The following GLYATL2 variants were observed in gnomAD, a reference collection of about 807,000 sequenced individuals.
GLYATL2 encodes the protein glycine-N-acyltransferase like 2, also known as glycine N-acyltransferase-like protein 2.
Under a neutral mutation model 21.4 loss-of-function variants are expected in GLYATL2, and 25 were observed. The observed-to-expected ratio is 1.17, with a 90% CI of 0.85 to 1.63. The LOEUF is 1.63. GLYATL2 is among the 40% of genes most tolerant of loss of function. GLYATL2 has a pLI of 0.00. For synonymous variants in GLYATL2, 114 were observed against 118.2 expected (o/e 0.96, Z 0.23); for missense variants, 361 against 343.3 (o/e 1.05, Z -0.41).
intron 1 of GLYATL2, among the ~76,000 whole-genome samples, chr11:58,851,331 A>G (rs1376802302): frequency 1.3e-5 from 2 of 152,158 alleles, no homozygotes; most frequent in Non-Finnish European, 2.9e-5. Context: ...CCTTTTTAGC[A>G]TCCATTGAGA....
chr11:58,896,960 T>G (rs1854646288), intron 1 of GLYATL2, among the ~76,000 whole-genome samples: 1 of 152,194 alleles, frequency 6.6e-6, no homozygotes, highest in Admixed American at 6.5e-5. Flanking sequence ...AGTTCCCTCA[T>G]ATTTGCCTCA....
intron 1 of GLYATL2, among the ~76,000 whole-genome samples, chr11:58,878,914 C>A (rs943277964): frequency 6.6e-6 from 1 of 152,150 alleles, no homozygotes; most frequent in African/African-American, 2.4e-5. Context: ...TCAGTAAAGT[C>A]CCTTTTGGCT....
rs566486394 is a variant in GLYATL2, at chr11:58,887,416, C to G, written n.60+16740G>C. On this transcript the variant is annotated intron_variant and non_coding_transcript_variant, in intron 1 of 4. Transcript: ENST00000533636. ...GAGAATTTATATAGAAAAAAAGTAA[C>G]TTTTTCTTAATTGGTTTTTAATCTC... is the stretch of plus-strand genomic sequence containing the variant. Among the ~76,000 whole-genome samples the G allele has an allele frequency of 2.6e-5, 4 of 152,178 alleles. No homozygotes were observed. In the East Asian group the frequency reaches 5.8e-4, roughly 22 times the overall value.
At chr11:58,865,179 G>A (rs1321403042) in intron 1 of GLYATL2, among the ~76,000 whole-genome samples, 1 of 148,162 alleles carries the variant, frequency 6.7e-6, no homozygotes, top group African/African-American at 2.4e-5. Context: ...CGCAATAGAG[G>A]AAAACTACTG....
chr11:58,885,019 C>G (rs1375266368), intron 1 of GLYATL2: 1 of 154,968 alleles, frequency 6.5e-6, no homozygotes, highest in Non-Finnish European at 1.5e-5. Context: ...TCCTGAGTCC[C>G]TGAAGGTGAG....
intron 1 of GLYATL2, among the ~76,000 whole-genome samples, chr11:58,888,614 A>T (rs1474971050): frequency 6.6e-6 from 1 of 151,858 alleles, no homozygotes; most frequent in African/African-American, 2.4e-5. Context: ...ACATGTTTAT[A>T]TATTTTTGTA....
intron 1 of GLYATL2, among the ~76,000 whole-genome samples, chr11:58,899,288 A>T (rs574805827): frequency 6.6e-6 from 1 of 152,258 alleles, no homozygotes; most frequent in African/African-American, 2.4e-5. Flanking sequence ...CAGGATGTAC[A>T]GGGCAAAGCT....
rs573301113 is a variant in GLYATL2 at position 58,875,935 on chromosome 11, C to T, written n.60+28221G>A. On this transcript the variant is annotated intron_variant and non_coding_transcript_variant, in intron 1 of 4. Coordinates refer to the GLYATL2 transcript ENST00000533636. ...GTCACTTTCAGGTACACCAGTTAGA[C>T]GTAGGTTTGGTCTTTTCACATAGTC... 1.4e-4 allele frequency among the ~76,000 whole-genome samples: 21 copies of T among 152,296 alleles called. 1 individual carries two copies. The highest frequency in any genetic ancestry group is 4.1e-4 in the South Asian group (2 of 4,828).
intron 1 of GLYATL2, among the ~76,000 whole-genome samples, chr11:58,874,862 T>C (rs1287312302): frequency 1.3e-5 from 2 of 152,184 alleles, no homozygotes; most frequent in African/African-American, 2.4e-5. Context: ...TTCTGTCTCG[T>C]TGATCTGTCT....
chr11:58,857,613 A>G (rs1853852930), intron 1 of GLYATL2, among the ~76,000 whole-genome samples: 1 of 152,168 alleles, frequency 6.6e-6, no homozygotes, highest in Non-Finnish European at 1.5e-5. Context: ...CCACTACCCC[A>G]GGTTGTGTTG....
intron 1 of GLYATL2, among the ~76,000 whole-genome samples, chr11:58,898,972 C>T (rs913178468): frequency 2.1e-4 from 32 of 152,172 alleles, no homozygotes; most frequent in African/African-American, 7.7e-4. Flanking sequence ...CTTATAAATA[C>T]GCAAATATTT....
chr11:58,898,614 C>T (rs1176249496), intron 1 of GLYATL2, among the ~76,000 whole-genome samples: 3 of 151,894 alleles, frequency 2.0e-5, no homozygotes, highest in East Asian at 3.9e-4. Context: ...GCGGGCAGAT[C>T]ACGAAGGTCA....
chr11:58,898,544 C>T (rs1230108246), intron 1 of GLYATL2, among the ~76,000 whole-genome samples: 1 of 149,022 alleles, frequency 6.7e-6, no homozygotes, highest in African/African-American at 2.5e-5. Flanking sequence ...AGTTAAAATT[C>T]TTTCTCTAGG....
chr11:58,909,726 G>A, the GLYATL2 span, among the ~76,000 whole-genome samples: 1 of 152,162 alleles, frequency 6.6e-6, no homozygotes. Flanking sequence ...GACTGGTAAG[G>A]TAGTGTGGTG....
At chr11:58,876,834 A>C (rs1486195224) in intron 1 of GLYATL2, among the ~76,000 whole-genome samples, 3 of 152,240 alleles carry the variant, frequency 2.0e-5, no homozygotes, top group African/African-American at 7.2e-5. Flanking sequence ...AAGGACATTT[A>C]AGTCTGCAGA....
Position 58,890,766 on chromosome 11 carries a change from C to T in GLYATL2, n.60+13390G>A, listed in dbSNP as rs183485949. 1.1e-3 allele frequency among the ~76,000 whole-genome samples: 174 copies of T among 151,888 alleles called. 3 individuals carry two copies. The highest frequency in any genetic ancestry group is 3.7e-3 in the African/African-American group (155 of 41,504). On this transcript the variant is annotated intron_variant and non_coding_transcript_variant, in intron 1 of 4. Coordinates refer to the GLYATL2 transcript ENST00000533636. The stretch of plus-strand genomic sequence containing the variant: ...TTTCTCTGTTTCCGTTCTCATCTCT[C>T]ATACTCTGTGCTTATTTTTTTATTT...
intron 1 of GLYATL2, among the ~76,000 whole-genome samples, chr11:58,862,696 T>C (rs1313504950): frequency 2.0e-5 from 3 of 152,236 alleles, no homozygotes; most frequent in Non-Finnish European, 2.9e-5. Context: ...TCATGTATTA[T>C]TTCTCTGATT....
chr11:58,865,798 A>C (rs957118048), intron 1 of GLYATL2, among the ~76,000 whole-genome samples: 1 of 149,118 alleles, frequency 6.7e-6, no homozygotes, highest in Non-Finnish European at 1.5e-5. Context: ...AGCAGGGACT[A>C]AGCAAATAAT....
chr11:58,880,155 G>A (rs1034454821), intron 1 of GLYATL2, among the ~76,000 whole-genome samples: 2 of 152,180 alleles, frequency 1.3e-5, no homozygotes, highest in African/African-American at 2.4e-5. Context: ...ACCGTGCCCG[G>A]CCAACAGTTT....
Sources: gnomAD v4.1 joint callset for allele counts (sites outside exome capture counted in the v4.1 genomes callset) on GRCh38, gnomAD v4.1.1 for gene constraint, MANE v1.5 for transcripts, NCBI Gene and HGNC (gene_info 2026-07-23, HGNC 2026-07-21) for gene names.